Variants in STPG2 observed in about 807,000 individuals in gnomAD.
STPG2 encodes sperm tail PG-rich repeat containing 2, also known as sperm-tail PG-rich repeat-containing protein 2.
In STPG2, 56 loss-of-function variants were observed where a neutral mutation model predicts 54.2. The ratio of observed to expected loss-of-function variants is 1.03; its 90% CI spans 0.83 to 1.29. STPG2 has a LOEUF of 1.29. Among genes scored for constraint, STPG2 ranks in the 50% most tolerant of loss-of-function variants. The pLI, the probability that STPG2 is intolerant of heterozygous loss-of-function variation, is 0.00. For synonymous variants in STPG2, 200 were observed against 181.8 expected, an observed-to-expected ratio of 1.10 and a Z score of -0.81; for missense variants, 596 against 544.9, an observed-to-expected ratio of 1.09 and a Z score of -0.93.
At chr4:97,525,894 CA>C (rs1179608092) in intron 4 of STPG2, among the ~76,000 whole-genome samples, 1 of 151,744 alleles carries the variant, frequency 6.6e-6, no homozygotes, top group Non-Finnish European at 1.5e-5. Flanking sequence ...TGGAACATGG[CA>C]ATTTATTTTA....
chr4:97,472,146 C>T (rs995624441), intron 4 of STPG2, among the ~76,000 whole-genome samples: 1 of 152,118 alleles, frequency 6.6e-6, no homozygotes, highest in Non-Finnish European at 1.5e-5. Flanking sequence ...CAAGACAAAC[C>T]ATTGCCCAGA....
At chr4:98,087,237 GAAC>G (rs143178373) in intron 5 of STPG2, among the ~76,000 whole-genome samples, 59,981 of 151,696 alleles carry the variant, frequency 0.4, 12,063 homozygotes, top group Middle Eastern at 0.46. Flanking sequence ...CATTAAATTT[GAAC>G]AACAAGAGAG....
chr4:97,952,246 C>A (rs1339459124), intron 7 of STPG2, among the ~76,000 whole-genome samples: 1 of 152,056 alleles, frequency 6.6e-6, no homozygotes, highest in Non-Finnish European at 1.5e-5. Flanking sequence ...TAAGAGAAGA[C>A]CCAGTTGTGT....
intron 10 of STPG2, among the ~76,000 whole-genome samples, chr4:97,559,786 T>C (rs117161501): frequency 1.3e-5 from 2 of 152,354 alleles, no homozygotes; most frequent in East Asian, 3.9e-4. Flanking sequence ...AAGTATTCTA[T>C]GCTATTTCCA....
Position 98,013,383 on chromosome 4 carries a change from T to C in STPG2, c.613-32065A>G, listed in dbSNP as rs115000687. On this transcript the variant is annotated intron_variant, in intron 5 of 10. Coordinates refer to ENST00000295268, the MANE Select transcript of STPG2 (RefSeq NM_174952.3). ...ATTGAGGGTTTTCGCATGAATGTTC[T>C]TCAAGGACATTGGCCTGAAGTTTTC... Among the ~76,000 whole-genome samples the C allele has an allele frequency of 4.9e-3, 739 of 152,256 alleles. 8 individuals are homozygous for C. Among genetic ancestry groups the C allele is most frequent in the African/African-American group, 0.017 (687 of 41,552 alleles).
At chr4:97,949,626 T>G (rs2149238395) in intron 7 of STPG2, among the ~76,000 whole-genome samples, 1 of 152,306 alleles carries the variant, frequency 6.6e-6, no homozygotes, top group Non-Finnish European at 1.5e-5. Flanking sequence ...TCTCAGCACT[T>G]ATTTGTCTGA....
chr4:97,968,033 G>GAA (rs1734179089), intron 7 of STPG2, among the ~76,000 whole-genome samples: 1 of 151,740 alleles, frequency 6.6e-6, no homozygotes, highest in Non-Finnish European at 1.5e-5. Flanking sequence ...AGGAGAGAGA[G>GAA]AAACAAAAAA....
At chr4:97,663,490 C>T (rs2148963321) in intron 10 of STPG2, among the ~76,000 whole-genome samples, 1 of 152,098 alleles carries the variant, frequency 6.6e-6, no homozygotes, top group East Asian at 1.9e-4. Flanking sequence ...ATTTTTATAA[C>T]AAAAAAGTAA....
chr4:97,455,804 T>C (rs1162961509), intron 4 of STPG2, among the ~76,000 whole-genome samples: 2 of 152,154 alleles, frequency 1.3e-5, no homozygotes, highest in Admixed American at 6.5e-5. Flanking sequence ...CTGTAACACA[T>C]GCCCAACTGA....
At chr4:97,814,560 CTGAG>C (rs1727851098) in intron 9 of STPG2, among the ~76,000 whole-genome samples, 1 of 152,028 alleles carries the variant, frequency 6.6e-6, no homozygotes, top group Non-Finnish European at 1.5e-5. Flanking sequence ...ATGGTTAATA[CTGAG>C]TGTCAACTTG....
At chr4:98,131,003 C>T (rs1739979424) in intron 2 of STPG2, among the ~76,000 whole-genome samples, 1 of 151,692 alleles carries the variant, frequency 6.6e-6, no homozygotes, top group African/African-American at 2.4e-5. Flanking sequence ...ACAACTCTCC[C>T]TTCGCTCCTG....
intron 10 of STPG2, among the ~76,000 whole-genome samples, chr4:97,658,840 A>T (rs962390916): frequency 6.6e-6 from 1 of 152,218 alleles, no homozygotes; most frequent in Non-Finnish European, 1.5e-5. Flanking sequence ...AGCCAGTGAG[A>T]GTATTAAAGA....
At chr4:97,943,765 T>C in intron 8 of STPG2, 132 bp downstream of exon 8, 1 of 563,022 alleles carries the variant, frequency 1.8e-6, no homozygotes, top group Non-Finnish European at 3.0e-6. Context: ...AATATAAAAG[T>C]ATCGGTCTAG....
At chr4:97,480,328 A>G (rs1730187194) in intron 4 of STPG2, among the ~76,000 whole-genome samples, 1 of 151,646 alleles carries the variant, frequency 6.6e-6, no homozygotes, top group Non-Finnish European at 1.5e-5. Context: ...TTAAAAAAAG[A>G]AAACAAAAAA....
intron 4 of STPG2, among the ~76,000 whole-genome samples, chr4:97,474,057 G>T (rs1461141379): frequency 6.6e-6 from 1 of 152,050 alleles, no homozygotes; most frequent in African/African-American, 2.4e-5. Context: ...TATACTAAGA[G>T]TGAACCCTAA....
Position 97,712,782 on chromosome 4 carries a change from AT to A in STPG2, c.1236del (p.Lys412AsnfsTer9). ...GPAAYNPVLR[K>X]SCPIPLFVKA... Reference sequence around the variant, plus strand: ...TTCACAAATAAGGGTATGGGGCAAGATTTCCTTAAAACAGGATTGTATGCTG... The same window carrying A: ...TTCACAAATAAGGGTATGGGGCAAGATTCCTTAAAACAGGATTGTATGCTG... On this transcript the variant is annotated frameshift_variant, in exon 10 of 11. Coordinates refer to ENST00000295268, the MANE Select transcript of STPG2 (RefSeq NM_174952.3). LOFTEE classifies it high-confidence loss of function. The A allele has an allele frequency of 6.2e-7, 1 of 1,607,978 alleles. No individual in the cohort carries two copies.
intron 10 of STPG2, among the ~76,000 whole-genome samples, chr4:97,668,678 A>T: frequency 7.0e-6 from 1 of 142,430 alleles, no homozygotes; most frequent in Non-Finnish European, 1.5e-5. Context: ...GGAGGGAGGG[A>T]GGGAGGAAGA....
intron 8 of STPG2, among the ~76,000 whole-genome samples, chr4:97,891,951 T>C (rs955308935): frequency 1.3e-5 from 2 of 152,130 alleles, no homozygotes; most frequent in African/African-American, 4.8e-5. Context: ...GCTGGCTATC[T>C]GGTATGTAGT....
At chr4:98,044,218 T>A (rs1737054450) in intron 5 of STPG2, among the ~76,000 whole-genome samples, 1 of 152,206 alleles carries the variant, frequency 6.6e-6, no homozygotes, top group Non-Finnish European at 1.5e-5. Context: ...GATTTACTCA[T>A]CACTATTATA....
Sources: allele counts gnomAD v4.1 joint callset (sites outside exome capture counted in the v4.1 genomes callset), GRCh38; gene constraint gnomAD v4.1.1; transcripts MANE v1.5; gene names NCBI Gene and HGNC (gene_info 2026-07-23, HGNC 2026-07-21).